The following CHCHD3 variants were observed in gnomAD, a reference collection of about 807,000 sequenced individuals.
The protein encoded by CHCHD3 is coiled-coil-helix-coiled-coil-helix domain containing 3.
Under a neutral mutation model 38.2 loss-of-function variants are expected in CHCHD3, and 20 were observed. That is an observed-to-expected ratio of 0.52 (90% CI 0.37 to 0.76). CHCHD3 has a LOEUF of 0.76. Among genes scored for constraint, CHCHD3 ranks in the 30% least tolerant of loss-of-function variants. The pLI, the probability that CHCHD3 is intolerant of heterozygous loss-of-function variation, is 0.00. For synonymous variants in CHCHD3, 82 were observed against 100.0 expected, an observed-to-expected ratio of 0.82 and a Z score of 1.07; for missense variants, 245 against 279.2, an observed-to-expected ratio of 0.88 and a Z score of 0.87.
chr7:133,028,003 C>T (rs1376508420), intron 2 of CHCHD3, among the ~76,000 whole-genome samples: 1 of 152,148 alleles, frequency 6.6e-6, no homozygotes, highest in Non-Finnish European at 1.5e-5. Flanking sequence ...ATAGACTTCA[C>T]AAGGTAATGA....
intron 3 of CHCHD3, among the ~76,000 whole-genome samples, chr7:133,022,924 CAAAA>C (rs11313866): frequency 1.8e-5 from 2 of 108,482 alleles, no homozygotes; most frequent in Non-Finnish European, 3.8e-5. Flanking sequence ...AAGGGAAGAC[CAAAA>C]AAAAAAAAAA....
intron 5 of CHCHD3, among the ~76,000 whole-genome samples, chr7:132,841,367 C>A: frequency 7.1e-6 from 1 of 140,952 alleles, no homozygotes. Context: ...CCTTTGGCCT[C>A]AGAAGACACT....
chr7:133,037,616 C>T (rs147713618), intron 2 of CHCHD3, among the ~76,000 whole-genome samples: 5,479 of 152,164 alleles, frequency 0.036, 277 homozygotes, highest in African/African-American at 0.12. Flanking sequence ...AGTTCGAGAC[C>T]GGCCTGGCCA....
chr7:133,043,217 G>A (rs1448345020), intron 2 of CHCHD3, among the ~76,000 whole-genome samples: 1 of 151,912 alleles, frequency 6.6e-6, no homozygotes, highest in Non-Finnish European at 1.5e-5. Flanking sequence ...TTTATATCAA[G>A]ATAAAATTTA....
At chr7:133,032,491 C>T (rs1339057933) in intron 2 of CHCHD3, among the ~76,000 whole-genome samples, 1 of 152,190 alleles carries the variant, frequency 6.6e-6, no homozygotes, top group Non-Finnish European at 1.5e-5. Context: ...ATCACTCCAT[C>T]AGGATGTATA....
At chr7:132,885,900 G>T (rs1809195063) in intron 4 of CHCHD3, among the ~76,000 whole-genome samples, 155 bp from the exon 5 acceptor site, 1 of 152,116 alleles carries the variant, frequency 6.6e-6, no homozygotes, top group African/African-American at 2.4e-5. Flanking sequence ...GATGATGATT[G>T]CTGTATTTAA....
intron 3 of CHCHD3, among the ~76,000 whole-genome samples, chr7:132,988,722 TG>T (rs986495677): frequency 1.3e-5 from 2 of 152,018 alleles, no homozygotes; most frequent in African/African-American, 4.8e-5. Flanking sequence ...AGAACCAGCC[TG>T]GGCAACATAG....
chr7:133,040,441 GA>G (rs890651866), intron 2 of CHCHD3, among the ~76,000 whole-genome samples: 3 of 152,086 alleles, frequency 2.0e-5, no homozygotes, highest in African/African-American at 7.2e-5. Context: ...ACTGGGGTGA[GA>G]AAACAGCCCT....
chr7:132,828,709 A>C (rs190813196), intron 6 of CHCHD3, among the ~76,000 whole-genome samples: 1 of 152,308 alleles, frequency 6.6e-6, no homozygotes, highest in East Asian at 1.9e-4. Flanking sequence ...AAATACATTC[A>C]TAAGTTAATT....
At chr7:132,837,120 T>A (rs1807805611) in intron 6 of CHCHD3, among the ~76,000 whole-genome samples, 1 of 152,206 alleles carries the variant, frequency 6.6e-6, no homozygotes, top group Admixed American at 6.5e-5. Flanking sequence ...ACTTCACAGA[T>A]CACTCTAGTC....
chr7:132,920,250 C>G (rs531924821), intron 4 of CHCHD3, among the ~76,000 whole-genome samples: 3 of 152,194 alleles, frequency 2.0e-5, no homozygotes, highest in Non-Finnish European at 4.4e-5. Context: ...TCGCTACTTT[C>G]ACGCTACAAT....
chr7:132,987,490 C>G (rs1160891047), intron 3 of CHCHD3, among the ~76,000 whole-genome samples: 1 of 152,180 alleles, frequency 6.6e-6, no homozygotes, highest in East Asian at 1.9e-4. Flanking sequence ...AATTCCAGAA[C>G]TAACAGACAC....
chr7:133,040,218 G>A (rs1390127684), intron 2 of CHCHD3, among the ~76,000 whole-genome samples: 1 of 152,166 alleles, frequency 6.6e-6, no homozygotes, highest in Non-Finnish European at 1.5e-5. Flanking sequence ...CCTCAGAGCA[G>A]AAGCCTATAG....
intron 4 of CHCHD3, among the ~76,000 whole-genome samples, chr7:132,929,047 A>T (rs1199432433): frequency 6.6e-6 from 1 of 152,162 alleles, no homozygotes; most frequent in Non-Finnish European, 1.5e-5. Context: ...CACCCAAAAA[A>T]ACTACTTCTT....
At chr7:132,857,028 T>C (rs191668944) in intron 5 of CHCHD3, among the ~76,000 whole-genome samples, 19 of 152,330 alleles carry the variant, frequency 1.2e-4, no homozygotes, top group Middle Eastern at 3.4e-3. Context: ...GGAGCTGCAA[T>C]GTTATTTCAC....
intron 4 of CHCHD3, among the ~76,000 whole-genome samples, chr7:132,890,562 A>AG: frequency 6.6e-6 from 1 of 152,320 alleles, no homozygotes; most frequent in South Asian, 2.1e-4. Context: ...ATCAAGCACA[A>AG]GGCATTTTAA....
At chr7:132,946,856 T>C (rs1259408481) in intron 4 of CHCHD3, among the ~76,000 whole-genome samples, 1 of 151,930 alleles carries the variant, frequency 6.6e-6, no homozygotes, top group Non-Finnish European at 1.5e-5. Context: ...ATCTAAATTT[T>C]ATATTTATTC....
chr7:132,973,082 T>C, intron 4 of CHCHD3: 3 of 985,432 alleles, frequency 3.0e-6, no homozygotes, highest in Non-Finnish European at 3.6e-6. Context: ...TGTGTGTATA[T>C]ATTTAATGAG....
chr7:133,032,973 T>C (rs1813542491), intron 2 of CHCHD3, among the ~76,000 whole-genome samples: 1 of 152,174 alleles, frequency 6.6e-6, no homozygotes, highest in South Asian at 2.1e-4. Flanking sequence ...CAAGCTCTTT[T>C]CCATTTCACG....
Sources: allele counts gnomAD v4.1 joint callset (sites outside exome capture counted in the v4.1 genomes callset), GRCh38; gene constraint gnomAD v4.1.1; transcripts MANE v1.5; gene names NCBI Gene and HGNC (gene_info 2026-07-23, HGNC 2026-07-21).